The following PSD3 variants were observed in gnomAD, a reference collection of about 807,000 sequenced individuals.
The protein encoded by PSD3 is pleckstrin and Sec7 domain containing 3, also known as PH and SEC7 domain-containing protein 3.
PSD3 carries 49 observed loss-of-function variants against 105.5 expected under a neutral mutation model. The observed-to-expected ratio is 0.46, with a 90% CI of 0.37 to 0.59. The LOEUF (loss-of-function observed/expected upper bound fraction) is 0.59, where lower values mean the gene tolerates loss of function less well. Ranked by LOEUF, PSD3 falls within the 20% of genes least tolerant of loss-of-function variation. PSD3 has a pLI of 0.00. For synonymous variants in PSD3, 557 were observed against 457.8 expected, an observed-to-expected ratio of 1.22 and a Z score of -2.77; for missense variants, 1,561 against 1,263.8, an observed-to-expected ratio of 1.24 and a Z score of -3.57.
chr8:18,964,594 C>T (rs116162198), intron 1 of PSD3, among the ~76,000 whole-genome samples: 2,258 of 152,040 alleles, frequency 0.015, 63 homozygotes, highest in African/African-American at 0.052. Context: ...AGTGTGGTCT[C>T]ATGAACAACC....
chr8:18,796,241 T>C lies in PSD3; in HGVS notation c.2082+3054A>G, dbSNP rs80022513. On this transcript the variant is annotated intron_variant, in intron 8 of 15. Transcript: ENST00000327040. ...TAGAGAAGTTTAACATGATCCAACA[T>C]GAAATTAAAACACCTCCCCAGTGTT... Among the ~76,000 whole-genome samples, 1,084 of 152,216 alleles carry C rather than the reference T, an allele frequency of 7.1e-3. 6 individuals are homozygous for C. The highest frequency in any genetic ancestry group is 0.025 in the African/African-American group (1,045 of 41,520).
Position 18,821,843 on chromosome 8 carries a change from ACACACACATG to A in PSD3, c.1635-16955_1635-16946del, listed in dbSNP as rs71218903. On this transcript the variant is annotated intron_variant, in intron 4 of 15. Transcript: ENST00000327040. ...CAAGTGTTTTGAGAAGGGAATACCC[ACACACACATG>A]CACACACATGCACACACACCACACA... Among the ~76,000 whole-genome samples the A allele has an allele frequency of 9.1e-4, 115 of 126,332 alleles. 1 individual carries two copies. Among genetic ancestry groups the A allele is most frequent in the South Asian group, 1.8e-3 (7 of 3,806 alleles). 82.9% of individuals were successfully genotyped at this position (126,332 alleles called of 152,430 possible). A position where few individuals can be genotyped will look rare whatever the true frequency, so the allele number is the denominator to read the frequency against.
chr8:18,632,125 C>T (rs983483585), intron 11 of PSD3, among the ~76,000 whole-genome samples: 1 of 152,048 alleles, frequency 6.6e-6, no homozygotes, highest in Non-Finnish European at 1.5e-5. Context: ...CTCACCTGTC[C>T]ACCTTCTCAA....
chr8:18,547,795 T>C (rs949562133), intron 15 of PSD3, among the ~76,000 whole-genome samples: 3 of 152,216 alleles, frequency 2.0e-5, no homozygotes, highest in Admixed American at 6.5e-5. Context: ...GGAACCTGAT[T>C]GGAGGTCTTT....
intron 1 of PSD3, among the ~76,000 whole-genome samples, chr8:18,947,250 T>C (rs941089339): frequency 2.6e-5 from 4 of 152,052 alleles, no homozygotes; most frequent in Non-Finnish European, 5.9e-5. Context: ...AGAAACAGCA[T>C]GGAAACCAAA....
In PSD3 at chr8:18,804,535, C is replaced by A; in HGVS notation, c.1897G>T (p.Asp633Tyr). The A allele has an allele frequency of 1.2e-6, 2 of 1,611,066 alleles. No homozygotes were observed. The highest frequency in any genetic ancestry group is 1.1e-5 in the South Asian group (1 of 90,968). The change falls in exon 6 of 16, where the codon GAT becomes TAT. Residue 633 changes from aspartate to tyrosine, a missense_variant. By Grantham distance (160) the Asp-to-Tyr change is radical (BLOSUM62 -3). Coordinates refer to ENST00000327040, the MANE Select transcript of PSD3 (RefSeq NM_015310.4). ...KFFDFTGMTL[D>Y]QSLRYFFKAF... The stretch of plus-strand genomic sequence containing the variant: ...GCTTAGTCATACCTGAGTGACTGAT[C>A]CAGCGTCATTCCTGTAAAATCAAAA...
intron 9 of PSD3, among the ~76,000 whole-genome samples, chr8:18,739,254 G>T (rs978382250): frequency 9.2e-5 from 14 of 152,038 alleles, no homozygotes; most frequent in African/African-American, 3.1e-4. Context: ...CAAAAATATA[G>T]AACTGTAGGC....
At chr8:18,656,014 T>C (rs895490086) in intron 9 of PSD3, among the ~76,000 whole-genome samples, 1 of 152,204 alleles carries the variant, frequency 6.6e-6, no homozygotes, top group Non-Finnish European at 1.5e-5. Flanking sequence ...GAAAATATGG[T>C]CTTGTAGTTT....
At chr8:18,835,599 C>T (rs1442545885) in intron 4 of PSD3, among the ~76,000 whole-genome samples, 1 of 152,112 alleles carries the variant, frequency 6.6e-6, no homozygotes, top group East Asian at 1.9e-4. Flanking sequence ...CGTGGGGAAG[C>T]AGGCAAGGAG....
At chr8:18,789,085 T>C (rs1809460070) in intron 8 of PSD3, among the ~76,000 whole-genome samples, 1 of 152,136 alleles carries the variant, frequency 6.6e-6, no homozygotes, top group Non-Finnish European at 1.5e-5. Flanking sequence ...ACCTGTCCTA[T>C]AATATCCTGC....
intron 11 of PSD3, among the ~76,000 whole-genome samples, chr8:18,613,033 TG>T (rs1706144862): frequency 6.6e-6 from 1 of 151,320 alleles, no homozygotes; most frequent in South Asian, 2.1e-4. Flanking sequence ...CACAAGAGCA[TG>T]CATCATTAGC....
intron 9 of PSD3, among the ~76,000 whole-genome samples, chr8:18,760,660 G>C (rs964032391): frequency 2.6e-5 from 4 of 152,118 alleles, no homozygotes; most frequent in Non-Finnish European, 5.9e-5. Flanking sequence ...GGATGATTCC[G>C]TATCTGGGCT....
At chr8:18,858,578 T>G (rs879470401) in intron 4 of PSD3, among the ~76,000 whole-genome samples, 1 of 152,156 alleles carries the variant, frequency 6.6e-6, no homozygotes, top group Non-Finnish European at 1.5e-5. Context: ...AAAGTTAAAG[T>G]CAATCCTCTC....
intron 13 of PSD3, among the ~76,000 whole-genome samples, chr8:18,574,567 C>G (rs768779037): frequency 6.6e-5 from 10 of 152,144 alleles, no homozygotes; most frequent in Admixed American, 2.0e-4. Context: ...AGAATGACAT[C>G]TTTTCCTTCT....
At chr8:18,788,543 C>T (rs192706139) in intron 8 of PSD3, among the ~76,000 whole-genome samples, 1 of 152,284 alleles carries the variant, frequency 6.6e-6, no homozygotes, top group East Asian at 1.9e-4. Context: ...CTGACAACAG[C>T]ATATACTCTG....
At chr8:18,980,518 T>C (rs1334996530) in intron 1 of PSD3, among the ~76,000 whole-genome samples, 7 of 152,186 alleles carry the variant, frequency 4.6e-5, no homozygotes, top group South Asian at 2.1e-4. Context: ...AATTGGTACA[T>C]TTAGAACATA....
intron 10 of PSD3, among the ~76,000 whole-genome samples, chr8:18,642,025 G>A (rs1807683658): frequency 6.6e-6 from 1 of 152,090 alleles, no homozygotes; most frequent in Non-Finnish European, 1.5e-5. Context: ...AAGAGACTAT[G>A]CTTTATTAAA....
chr8:18,826,110 G>C (rs1035672052), intron 4 of PSD3, among the ~76,000 whole-genome samples: 4 of 152,108 alleles, frequency 2.6e-5, no homozygotes, highest in African/African-American at 9.7e-5. Context: ...ATCTCTTCCT[G>C]ACTGCTAAAC....
At chr8:18,699,023 AGGTTACCT>A (rs1801422197) in intron 9 of PSD3, among the ~76,000 whole-genome samples, 1 of 152,204 alleles carries the variant, frequency 6.6e-6, no homozygotes, top group Admixed American at 6.5e-5. Context: ...ATGAATGAAA[AGGTTACCT>A]GGTGTGGCAG....
Sources: gnomAD v4.1 joint callset for allele counts (sites outside exome capture counted in the v4.1 genomes callset) on GRCh38, gnomAD v4.1.1 for gene constraint, MANE v1.5 for transcripts, NCBI Gene and HGNC (gene_info 2026-07-23, HGNC 2026-07-21) for gene names.